NR2E1: variants seen among roughly 807,000 people sequenced by gnomAD.
The protein encoded by NR2E1 is nuclear receptor TLX.
A neutral mutation model predicts 43.6 loss-of-function variants in NR2E1; 5 were observed. The ratio of observed to expected loss-of-function variants is 0.11; its 90% CI spans 0.06 to 0.24. The LOEUF is 0.24. Among genes scored for constraint, NR2E1 ranks in the 10% least tolerant of loss-of-function variants. NR2E1 has a pLI of 1.00. For synonymous variants in NR2E1, 191 were observed against 195.5 expected (o/e 0.98, Z 0.19); for missense variants, 287 against 496.7 (o/e 0.58, Z 4.01).
At position 108,169,625 on chromosome 6, in the gene NR2E1, A is replaced by T. The variant is rs1333931716; in HGVS notation, c.26-1833A>T. Among the ~76,000 whole-genome samples, 1 of 152,148 alleles carries T rather than the reference A, an allele frequency of 6.6e-6. No individual in the cohort carries two copies. Among genetic ancestry groups the T allele is most frequent in the African/African-American group, 2.4e-5 (1 of 41,438 alleles). On this transcript the variant is annotated intron_variant, in intron 1 of 8. Transcript: ENST00000368986. This position sits in a 1 kb window ranked among gnomAD's most constrained non-coding sequence, Gnocchi z 6.1. ...AGTTTACCGCTTCCAGAGTGAGTGCAGTGCAGCGGAGCTCCAGACCCGGTT... is the reference window on the plus strand; with the variant it reads ...AGTTTACCGCTTCCAGAGTGAGTGCTGTGCAGCGGAGCTCCAGACCCGGTT...
chr6:108,176,423 C>A, intron 3 of NR2E1, 80 bp from the exon 4 acceptor site: 1 of 1,419,358 alleles, frequency 7.0e-7, no homozygotes, highest in East Asian at 2.4e-5. Flanking sequence ...GACATTGGGG[C>A]GGGGCTGGGG....
chr6:108,181,618 C>G lies in NR2E1; in HGVS notation c.962C>G (p.Ala321Gly), dbSNP rs1773987506. The G allele has an allele frequency of 6.2e-7, 1 of 1,614,068 alleles. No individual in the cohort carries two copies. The highest frequency in any genetic ancestry group is 1.7e-5 in the Admixed American group (1 of 60,008). Residue 321 changes from alanine (A) to glycine (G), a missense_variant, in exon 8 of 9, where the codon GCT becomes GGT. Physicochemically the swap from Ala to Gly is moderately conservative, Grantham distance 60. This residue lies in a region of NR2E1 where 119 missense variants were observed against 187.0 expected (regional missense o/e 0.64). Coordinates refer to ENST00000368986, the MANE Select transcript of NR2E1 (RefSeq NM_003269.5). ...AAAIAALQDEAQLTLNSYIHT... is the reference protein window; with the variant it reads ...AAAIAALQDEGQLTLNSYIHT... ...GCCATTGCAGCCCTTCAAGATGAGGCTCAGCTAACGCTCAACAGCTACATC... is the reference window on the plus strand; with the variant it reads ...GCCATTGCAGCCCTTCAAGATGAGGGTCAGCTAACGCTCAACAGCTACATC...
At chr6:108,185,414 A>G (rs1774061811) in intron 8 of NR2E1, among the ~76,000 whole-genome samples, 1 of 45,966 alleles carries the variant, frequency 2.2e-5, no homozygotes, top group African/African-American at 1.1e-4. Flanking sequence ...ACACATACAC[A>G]CACACACACA....
chr6:108,172,570 C>A (rs1288584542), intron 2 of NR2E1, among the ~76,000 whole-genome samples: 1 of 152,212 alleles, frequency 6.6e-6, no homozygotes, highest in Non-Finnish European at 1.5e-5. Flanking sequence ...ACCCTCAGTA[C>A]AGAGTCCTCC....
intron 3 of NR2E1, among the ~76,000 whole-genome samples, chr6:108,175,636 T>G (rs1368052551): frequency 6.6e-6 from 1 of 152,136 alleles, no homozygotes; most frequent in Non-Finnish European, 1.5e-5. Context: ...CGCTGCAGCC[T>G]GTCGAGGGCG....
At position 108,166,779 on chromosome 6, in the gene NR2E1, C is replaced by T. The variant is rs768075660; in HGVS notation, c.14C>T (p.Ala5Val). MSKP[A>V]GSTSRILDIP... ...GGGACAGCCAGCATGAGCAAGCCAG[C>T]CGGATCAACAAGTGGGTACCTCTCG... is the stretch of plus-strand genomic sequence containing the variant. Residue 5 changes from alanine to valine, a missense_variant, in exon 1 of 9, where the codon GCC (alanine) becomes GTC (valine). By Grantham distance (64) the Ala-to-Val change is moderately conservative (BLOSUM62 0). Transcript: ENST00000368986. The surrounding 1 kb of genome is among the most constrained non-coding windows in gnomAD (Gnocchi z 7.2). 4 of 1,591,480 alleles carry T rather than the reference C, an allele frequency of 2.5e-6. No homozygotes were observed. The highest frequency in any genetic ancestry group is 2.3e-5 in the East Asian group (1 of 44,090).
chr6:108,166,787 A>T lies in NR2E1; in HGVS notation c.22A>T (p.Thr8Ser). Residue 8 changes from threonine (T) to serine (S), a missense_variant, in exon 1 of 9, where the codon ACA becomes TCA. Physicochemically the swap from Thr to Ser is moderately conservative, Grantham distance 58 (BLOSUM62 1). Transcript: ENST00000368986. This position sits in a 1 kb window ranked among gnomAD's most constrained non-coding sequence, Gnocchi z 7.2. ...CAGCATGAGCAAGCCAGCCGGATCAACAAGTGGGTACCTCTCGGGCCGCCG... is the reference window on the plus strand; with the variant it reads ...CAGCATGAGCAAGCCAGCCGGATCATCAAGTGGGTACCTCTCGGGCCGCCG... MSKPAGS[T>S]SRILDIPCKV... 1 of 1,592,536 alleles carries T rather than the reference A, an allele frequency of 6.3e-7. No individual in the cohort carries two copies. The highest frequency in any genetic ancestry group is 8.5e-7 in the Non-Finnish European group (1 of 1,173,038).
chr6:108,166,761 C>A lies in NR2E1; in HGVS notation c.-5C>A. 1 of 1,581,444 alleles carries A rather than the reference C, an allele frequency of 6.3e-7. No homozygotes were observed. On this transcript the variant is annotated 5_prime_UTR_variant, in exon 1 of 9. Transcript: ENST00000368986. This position sits in a 1 kb window ranked among gnomAD's most constrained non-coding sequence, Gnocchi z 7.2. ...CACCAACCGCTCCGCCCCGGGACAG[C>A]CAGCATGAGCAAGCCAGCCGGATCA...
chr6:108,174,511 C>T (rs1249394792), intron 2 of NR2E1, among the ~76,000 whole-genome samples: 1 of 152,076 alleles, frequency 6.6e-6, no homozygotes, highest in East Asian at 1.9e-4. Flanking sequence ...GCGGAAGTTC[C>T]CCTAGCGAGA....
intron 2 of NR2E1, among the ~76,000 whole-genome samples, chr6:108,173,312 A>G (rs1344086077): frequency 6.6e-6 from 1 of 152,264 alleles, no homozygotes; most frequent in Non-Finnish European, 1.5e-5. Flanking sequence ...GAGGATAGAT[A>G]TATAATTACA....
Position 108,171,449 on chromosome 6 carries a change from CG to C in NR2E1, c.26-8del. On this transcript the variant is annotated splice_region_variant and splice_polypyrimidine_tract_variant and intron_variant, in intron 1 of 8. Transcript: ENST00000368986. ...CTTCCCCCCTTCCCCGTCTTTCCTGCGATTTCAGGCCGCATTTTAGATATCC... is the reference window on the plus strand; with the variant it reads ...CTTCCCCCCTTCCCCGTCTTTCCTGCATTTCAGGCCGCATTTTAGATATCC... 1 of 1,613,808 alleles carries C rather than the reference CG, an allele frequency of 6.2e-7. No homozygotes were observed. Among genetic ancestry groups the C allele is most frequent in the Non-Finnish European group, 8.5e-7 (1 of 1,179,878 alleles).
chr6:108,171,862 T>G (rs1186777968), intron 2 of NR2E1, among the ~76,000 whole-genome samples: 2 of 152,174 alleles, frequency 1.3e-5, no homozygotes, highest in East Asian at 3.8e-4. Flanking sequence ...AAATTATTAT[T>G]ATTCTGAAAG....
intron 2 of NR2E1, 137 bp from the exon 3 acceptor site, chr6:108,174,693 CGTTTTG>C (rs2114674621): frequency 1.5e-6 from 1 of 682,372 alleles, no homozygotes; most frequent in East Asian, 2.7e-5. Flanking sequence ...AAGGCCCTCG[CGTTTTG>C]CAGGCCCAGG....
chr6:108,166,807 C>G lies in NR2E1; in HGVS notation c.25+17C>G, dbSNP rs1352349554. 2 of 1,589,904 alleles carry G rather than the reference C, an allele frequency of 1.3e-6. No homozygotes were observed. Among genetic ancestry groups the G allele is most frequent in the Admixed American group, 3.5e-5 (2 of 56,468 alleles). On this transcript the variant is annotated intron_variant, in intron 1 of 8. Coordinates refer to ENST00000368986, the MANE Select transcript of NR2E1 (RefSeq NM_003269.5). This position sits in a 1 kb window ranked among gnomAD's most constrained non-coding sequence, Gnocchi z 7.2. ...GATCAACAAGTGGGTACCTCTCGGG[C>G]CGCCGTGGGGCCTAGGCGCGCAGCC...
intron 1 of NR2E1, chr6:108,168,206 G>A (rs557898923): frequency 6.5e-7 from 1 of 1,547,372 alleles, no homozygotes; most frequent in Non-Finnish European, 8.7e-7. Flanking sequence ...CCGGGCGTGA[G>A]TGTCCTTCCC....
chr6:108,182,238 TC>T (rs1774003032), intron 8 of NR2E1, among the ~76,000 whole-genome samples: 1 of 114,170 alleles, frequency 8.8e-6, no homozygotes, highest in Non-Finnish European at 1.6e-5. Flanking sequence ...CGAGACTCCG[TC>T]TCAAAAAAAA....
Position 108,168,032 on chromosome 6 carries a change from T to G in NR2E1, c.25+1242T>G, listed in dbSNP as rs1773739899. 2.5e-6 allele frequency: 4 copies of G among 1,595,730 alleles called. No homozygotes were observed. The Admixed American group carries it at 7.0e-5, about 28-fold the overall frequency. On this transcript the variant is annotated intron_variant, in intron 1 of 8. Transcript: ENST00000368986. ...GAACAAAAAGAAAAGGAGAAATGTTTCGAGCTGGGGCAGAGGGAGCAGAGA... is the reference window on the plus strand; with the variant it reads ...GAACAAAAAGAAAAGGAGAAATGTTGCGAGCTGGGGCAGAGGGAGCAGAGA...
chr6:108,173,339 A>T lies in NR2E1; in HGVS notation c.172-1497A>T, dbSNP rs988350138. On this transcript the variant is annotated intron_variant, in intron 2 of 8. Coordinates refer to ENST00000368986, the MANE Select transcript of NR2E1 (RefSeq NM_003269.5). ...ATAATTACATTTAATAACAAGTTTT[A>T]AAAAACCTGTTTACAATGAACTATT... 5.3e-5 allele frequency among the ~76,000 whole-genome samples: 8 copies of T among 152,354 alleles called. No homozygotes were observed. The East Asian group carries it at 5.8e-4, about 11-fold the overall frequency.
rs908331726 is a variant in NR2E1 at position 108,187,430 on chromosome 6, G to T, written c.1125G>T (p.Leu375=). 6 of 1,614,052 alleles carry T rather than the reference G, an allele frequency of 3.7e-6. No homozygotes were observed. The highest frequency in any genetic ancestry group is 4.2e-6 in the Non-Finnish European group (5 of 1,180,042). ...KTIGNVPITR[L]LSDMYKSSDI The stretch of plus-strand genomic sequence containing the variant: ...TCGGCAATGTGCCAATTACAAGACT[G>T]CTTTCAGATATGTACAAATCCAGTG... Residue 375 remains leucine, a synonymous_variant, in exon 9 of 9, where the codon CTG becomes CTT. Coordinates refer to ENST00000368986, the MANE Select transcript of NR2E1 (RefSeq NM_003269.5).
Sources: allele counts gnomAD v4.1 joint callset (sites outside exome capture counted in the v4.1 genomes callset), GRCh38; gene constraint gnomAD v4.1.1; regional missense constraint gnomAD v4.1.1; non-coding constraint Gnocchi (gnomAD v3.1); transcripts MANE v1.5; gene names NCBI Gene and HGNC (gene_info 2026-07-23, HGNC 2026-07-21).